The following NEK11 variants were observed in gnomAD, a reference collection of about 807,000 sequenced individuals.
NEK11 encodes the protein NIMA related kinase 11.
A neutral mutation model predicts 80.7 loss-of-function variants in NEK11; 72 were observed. The observed-to-expected ratio is 0.89, with a 90% CI of 0.74 to 1.08. The LOEUF (loss-of-function observed/expected upper bound fraction) is 1.08. Among genes scored for constraint, NEK11 ranks in the 50% least tolerant of loss-of-function variants. NEK11 has a pLI of 0.00. For missense variants in NEK11, 764 were observed against 763.6 expected (o/e 1.00, Z -0.01); for synonymous variants, 251 against 260.7 (o/e 0.96, Z 0.36).
chr3:131,052,080 T>A (rs985594845), intron 3 of NEK11, among the ~76,000 whole-genome samples: 5 of 152,096 alleles, frequency 3.3e-5, no homozygotes, highest in Admixed American at 1.3e-4. Flanking sequence ...TACAGAGTCT[T>A]ATTTTTCCCC....
chr3:131,123,961 G>C (rs1295996903), intron 5 of NEK11, among the ~76,000 whole-genome samples: 1 of 152,168 alleles, frequency 6.6e-6, no homozygotes, highest in Non-Finnish European at 1.5e-5. Context: ...AACTTGGGTG[G>C]CTGAGCAGTA....
At chr3:131,322,807 A>T (rs1554013452) in intron 17 of NEK11, among the ~76,000 whole-genome samples, 3 of 152,290 alleles carry the variant, frequency 2.0e-5, no homozygotes, top group South Asian at 4.1e-4. Context: ...CATACTGAGC[A>T]CTGATGAAGA....
At chr3:131,336,992 T>C (rs1188454582) in intron 17 of NEK11, among the ~76,000 whole-genome samples, 7 of 151,842 alleles carry the variant, frequency 4.6e-5, no homozygotes, top group Non-Finnish European at 7.4e-5. Flanking sequence ...TGTGGAGAAA[T>C]AGGAACACTT....
chr3:131,118,694 G>T (rs2081768790), intron 5 of NEK11, among the ~76,000 whole-genome samples: 1 of 152,156 alleles, frequency 6.6e-6, no homozygotes, highest in African/African-American at 2.4e-5. Context: ...TCCTGGTTTA[G>T]TCTTGGGAGG....
intron 5 of NEK11, among the ~76,000 whole-genome samples, chr3:131,123,456 T>C (rs771845912): frequency 2.1e-4 from 32 of 152,206 alleles, no homozygotes; most frequent in Non-Finnish European, 3.5e-4. Flanking sequence ...TGAGCCACCA[T>C]GCATGGCCAA....
chr3:131,150,688 G>A (rs1268606261), intron 7 of NEK11, among the ~76,000 whole-genome samples: 1 of 151,626 alleles, frequency 6.6e-6, no homozygotes, highest in African/African-American at 2.4e-5. Context: ...CCTTATTTTT[G>A]TCATGAATTT....
chr3:131,215,320 G>GC lies in NEK11; in HGVS notation c.1400-13208_1400-13207insC, dbSNP rs775893883. On this transcript the variant is annotated intron_variant, in intron 14 of 17. Coordinates refer to ENST00000383366, the MANE Select transcript of NEK11 (RefSeq NM_024800.5). ...GATAGCATTAGGAGATATACCTAAT[G>GC]TAAATGACGAGTTAATGGGTGCAGC... Among the ~76,000 whole-genome samples, 176 of 151,840 alleles carry GC rather than the reference G, an allele frequency of 1.2e-3. 1 individual carries two copies. The highest frequency in any genetic ancestry group is 6.6e-4 in the Non-Finnish European group (45 of 67,958).
chr3:131,085,470 G>T (rs901144024), intron 4 of NEK11, among the ~76,000 whole-genome samples: 17 of 152,156 alleles, frequency 1.1e-4, no homozygotes, highest in Non-Finnish European at 1.9e-4. Flanking sequence ...AAAATACAAG[G>T]GGGAGTGTGG....
At chr3:131,161,580 A>G (rs778984091) in intron 10 of NEK11, among the ~76,000 whole-genome samples, 6 of 152,184 alleles carry the variant, frequency 3.9e-5, no homozygotes, top group Admixed American at 6.5e-5. Flanking sequence ...GTAATGCATG[A>G]CCAGAAAACC....
intron 17 of NEK11, among the ~76,000 whole-genome samples, chr3:131,312,868 A>G (rs1316867518): frequency 6.6e-6 from 1 of 152,126 alleles, no homozygotes; most frequent in Non-Finnish European, 1.5e-5. Flanking sequence ...CAGCTTTGTT[A>G]TACAGGTAAA....
At chr3:131,131,693 T>C (rs1029389834) in intron 5 of NEK11, among the ~76,000 whole-genome samples, 1 of 152,086 alleles carries the variant, frequency 6.6e-6, no homozygotes, top group Non-Finnish European at 1.5e-5. Flanking sequence ...TATTCTCTAT[T>C]GGTTTCTTGT....
intron 14 of NEK11, among the ~76,000 whole-genome samples, chr3:131,191,252 C>A (rs1346827993): frequency 1.3e-5 from 2 of 152,188 alleles, no homozygotes; most frequent in Non-Finnish European, 2.9e-5. Context: ...GACTCTCTTA[C>A]AGCTCTGGAG....
chr3:131,134,001 G>T (rs1321484502), intron 7 of NEK11, 45 bp downstream of exon 7: 2 of 1,515,752 alleles, frequency 1.3e-6, no homozygotes, highest in Non-Finnish European at 1.8e-6. Flanking sequence ...TTCCCTAAAA[G>T]AATGGTACAT....
intron 4 of NEK11, among the ~76,000 whole-genome samples, chr3:131,096,918 A>G (rs1440339626): frequency 2.6e-5 from 3 of 114,664 alleles, no homozygotes; most frequent in African/African-American, 1.0e-4. Context: ...CCAGAATGTG[A>G]TGTTCCCCTT....
chr3:131,140,874 C>A (rs2086735961), intron 7 of NEK11, among the ~76,000 whole-genome samples: 1 of 152,102 alleles, frequency 6.6e-6, no homozygotes, highest in South Asian at 2.1e-4. Flanking sequence ...TCCCAACCCC[C>A]ACCTCAACGT....
intron 15 of NEK11, among the ~76,000 whole-genome samples, chr3:131,240,971 C>A (rs2095509763): frequency 6.6e-6 from 1 of 152,106 alleles, no homozygotes; most frequent in African/African-American, 2.4e-5. Flanking sequence ...AAATTAACTC[C>A]TCTGATATGA....
chr3:131,288,450 C>CTT (rs71133693), intron 17 of NEK11, among the ~76,000 whole-genome samples: 2 of 115,392 alleles, frequency 1.7e-5, no homozygotes, highest in Non-Finnish European at 3.7e-5. Flanking sequence ...TTCTTTCTTT[C>CTT]TTTTTTTTTT....
At position 131,219,287 on chromosome 3, in the gene NEK11, A is replaced by G. The variant is rs540970282; in HGVS notation, c.1400-9241A>G. ...AAACCATCATTCTCAGCAAACTAAC[A>G]CAAGAACAGAAAACCAAACACTGCA... On this transcript the variant is annotated intron_variant, in intron 14 of 17. Transcript: ENST00000383366. Among the ~76,000 whole-genome samples, 15 of 152,138 alleles carry G rather than the reference A, an allele frequency of 9.9e-5. No homozygotes were observed. The South Asian group carries it at 2.9e-3, about 30-fold the overall frequency.
At chr3:131,117,357 C>T (rs1004404526) in intron 5 of NEK11, among the ~76,000 whole-genome samples, 23 of 152,162 alleles carry the variant, frequency 1.5e-4, no homozygotes, top group African/African-American at 2.9e-4. Context: ...GTGGCAGTAC[C>T]GTGCTGTTTT....
Sources: gnomAD v4.1 joint callset for allele counts (sites outside exome capture counted in the v4.1 genomes callset) on GRCh38, gnomAD v4.1.1 for gene constraint, MANE v1.5 for transcripts, NCBI Gene and HGNC (gene_info 2026-07-23, HGNC 2026-07-21) for gene names.